The following ZNF385D variants were observed in gnomAD, a reference collection of about 807,000 sequenced individuals.
The protein encoded by ZNF385D is zinc finger protein 659.
In ZNF385D, 15 loss-of-function variants were observed where a neutral mutation model predicts 35.8. The ratio of observed to expected loss-of-function variants is 0.42; its 90% confidence interval spans 0.28 to 0.64. The LOEUF (loss-of-function observed/expected upper bound fraction) is 0.64, where lower values mean the gene tolerates loss of function less well. Ranked by LOEUF, ZNF385D falls within the 30% of genes least tolerant of loss-of-function variation. The probability of loss-of-function intolerance (pLI) is 0.23; values close to 1 mark genes in which losing one functional copy is unlikely to be tolerated. For missense variants in ZNF385D, 474 were observed against 494.6 expected (o/e 0.96, Z 0.39); for synonymous variants, 212 against 186.8 (o/e 1.13, Z -1.10).
intron 1 of ZNF385D, among the ~76,000 whole-genome samples, chr3:21,708,942 A>C (rs985103326): frequency 1.5e-4 from 23 of 152,238 alleles, no homozygotes; most frequent in African/African-American, 5.1e-4. Flanking sequence ...TAACTATCAT[A>C]AGGCAGTTTC....
chr3:22,172,662 G>C (rs1318991036), intron 2 of ZNF385D, among the ~76,000 whole-genome samples: 1 of 152,066 alleles, frequency 6.6e-6, no homozygotes, highest in Admixed American at 6.5e-5. Context: ...AGACACAGAA[G>C]CCAACTGAAA....
intron 3 of ZNF385D, among the ~76,000 whole-genome samples, chr3:22,050,198 T>TAA (rs1169509467): frequency 5.0e-5 from 7 of 139,170 alleles, no homozygotes; most frequent in African/African-American, 1.1e-4. Flanking sequence ...AGATTGGGTT[T>TAA]AAAAAAAAAA....
intron 3 of ZNF385D, among the ~76,000 whole-genome samples, chr3:22,045,781 G>A (rs541355897): frequency 1.8e-4 from 28 of 151,748 alleles, no homozygotes; most frequent in Admixed American, 1.2e-3. Context: ...GGAGCCTGGC[G>A]ACACTAAGAT....
In ZNF385D at chr3:22,350,345, T is replaced by G. The variant is rs1471728186; in HGVS notation, c.106+22105A>C. Reference sequence around the variant, plus strand: ...ACTCAGTAAAAATTTCTTTGTGCAGTTAACCCTTTAGGATGGGATTACCCA... The same window carrying G: ...ACTCAGTAAAAATTTCTTTGTGCAGGTAACCCTTTAGGATGGGATTACCCA... On this transcript the variant is annotated intron_variant, in intron 2 of 5. Transcript: ENST00000494108. Among the ~76,000 whole-genome samples the G allele has an allele frequency of 2.0e-5, 3 of 152,172 alleles. No individual in the cohort carries two copies. In the East Asian group the frequency reaches 5.8e-4, roughly 29 times the overall value.
chr3:21,655,491 A>T (rs2066046691), intron 2 of ZNF385D, among the ~76,000 whole-genome samples: 1 of 152,004 alleles, frequency 6.6e-6, no homozygotes, highest in Non-Finnish European at 1.5e-5. Flanking sequence ...AATGATTGCC[A>T]TATACAGCAA....
intron 2 of ZNF385D, among the ~76,000 whole-genome samples, chr3:21,636,398 A>ATGATTT (rs1185514797): frequency 2.4e-5 from 1 of 40,868 alleles, no homozygotes; most frequent in African/African-American, 1.1e-4. Flanking sequence ...ATATATATAT[A>ATGATTT]TATATATATA....
At chr3:22,195,646 C>T (rs1049258145) in intron 2 of ZNF385D, among the ~76,000 whole-genome samples, 4 of 151,938 alleles carry the variant, frequency 2.6e-5, no homozygotes, top group African/African-American at 2.4e-5. Context: ...ATACTTTTTA[C>T]ACTACTAACA....
chr3:21,750,990 G>A lies in ZNF385D; in HGVS notation c.-74C>T. ...ACCCAAGGCTGGCACGTAGAGCAGA[G>A]CCCTTTCATGCTACATTCGGTGGAA... On this transcript the variant is annotated 5_prime_UTR_variant, in exon 1 of 8. Transcript: ENST00000281523. 1 of 1,612,292 alleles carries A rather than the reference G, an allele frequency of 6.2e-7. No homozygotes were observed. Among genetic ancestry groups the A allele is most frequent in the South Asian group, 1.1e-5 (1 of 90,914 alleles).
At chr3:21,926,851 G>C (rs771047520) in intron 3 of ZNF385D, among the ~76,000 whole-genome samples, 3 of 152,162 alleles carry the variant, frequency 2.0e-5, no homozygotes, top group Non-Finnish European at 2.9e-5. Context: ...AATTTCATCA[G>C]AGTGAAAAGG....
chr3:22,342,881 G>A (rs2125481876), intron 2 of ZNF385D, among the ~76,000 whole-genome samples: 1 of 152,264 alleles, frequency 6.6e-6, no homozygotes, highest in Middle Eastern at 3.4e-3. Flanking sequence ...AACCACAGTT[G>A]AAGATACCTA....
At chr3:21,901,961 T>C (rs1043366279) in intron 3 of ZNF385D, among the ~76,000 whole-genome samples, 2 of 152,098 alleles carry the variant, frequency 1.3e-5, no homozygotes, top group Non-Finnish European at 2.9e-5. Flanking sequence ...CTTTCAAGAA[T>C]GGCAGGATGG....
chr3:21,795,197 C>G (rs1347406366), intron 3 of ZNF385D, among the ~76,000 whole-genome samples: 4 of 152,204 alleles, frequency 2.6e-5, no homozygotes, highest in Non-Finnish European at 5.9e-5. Context: ...TCTAAGATCA[C>G]CCAGTGTGAA....
intron 3 of ZNF385D, chr3:21,511,816 T>C (rs1707232334): frequency 2.2e-6 from 1 of 448,068 alleles, no homozygotes; most frequent in African/African-American, 2.1e-5. Flanking sequence ...TTTATTTTCC[T>C]AAGAGCATTT....
intron 2 of ZNF385D, among the ~76,000 whole-genome samples, chr3:22,280,212 C>T (rs2125378609): frequency 6.6e-6 from 1 of 152,134 alleles, no homozygotes; most frequent in Middle Eastern, 3.4e-3. Context: ...GATTTTCTCC[C>T]ACTCTATGGC....
intron 3 of ZNF385D, among the ~76,000 whole-genome samples, chr3:21,847,089 C>A (rs557612727): frequency 6.6e-6 from 1 of 152,122 alleles, no homozygotes; most frequent in South Asian, 2.1e-4. Flanking sequence ...AAATTCTAAT[C>A]CCCTACCAGC....
At position 22,033,064 on chromosome 3, in the gene ZNF385D, G is replaced by C. The variant is rs990799564; in HGVS notation, c.325+135753C>G. Among the ~76,000 whole-genome samples the C allele has an allele frequency of 7.9e-5, 12 of 152,070 alleles. 1 individual carries two copies. Among genetic ancestry groups the C allele is most frequent in the Admixed American group, 7.9e-4 (12 of 15,250 alleles). On this transcript the variant is annotated intron_variant, in intron 3 of 5. Transcript: ENST00000494108. Reference sequence around the variant, plus strand: ...ATCAAGATTCCGAGATTGAATTTCTGCCCAAGACATTTTGATTCCATGCTG... The same window carrying C: ...ATCAAGATTCCGAGATTGAATTTCTCCCCAAGACATTTTGATTCCATGCTG...
intron 3 of ZNF385D, among the ~76,000 whole-genome samples, chr3:22,046,380 CT>C (rs1413673328): frequency 6.6e-6 from 1 of 152,066 alleles, no homozygotes; most frequent in African/African-American, 2.4e-5. Flanking sequence ...AAAGAATGCC[CT>C]GACAGCCCAC....
rs758306222 is a variant in ZNF385D at position 22,298,560 on chromosome 3, T to TACACACACAC, written c.106+73880_106+73889dup. The stretch of plus-strand genomic sequence containing the variant: ...TAAAACATTTATGTATATACACACA[T>TACACACACAC]ACACACACACACACATATATGTATG... On this transcript the variant is annotated intron_variant, in intron 2 of 5. Coordinates refer to the ZNF385D transcript ENST00000494108. Among the ~76,000 whole-genome samples the TACACACACAC allele has an allele frequency of 5.0e-3, 711 of 142,840 alleles. 12 individuals carry two copies. The highest frequency in any genetic ancestry group is 0.041 in the South Asian group (187 of 4,536). The allele number at this position is 142,840 out of a possible 152,430, so 93.7% of individuals were successfully genotyped here.
intron 1 of ZNF385D, among the ~76,000 whole-genome samples, chr3:21,669,769 T>G (rs901829214): frequency 6.6e-6 from 1 of 152,238 alleles, no homozygotes; most frequent in Non-Finnish European, 1.5e-5. Context: ...CTACTTAGGC[T>G]TTCTGAAAGC....
Sources: allele counts gnomAD v4.1 joint callset (sites outside exome capture counted in the v4.1 genomes callset), GRCh38; gene constraint gnomAD v4.1.1; transcripts MANE v1.5; gene names NCBI Gene and HGNC (gene_info 2026-07-23, HGNC 2026-07-21).